Variants in FGF12 observed in about 807,000 individuals in gnomAD.
FGF12 encodes the protein fibroblast growth factor 12B.
FGF12 carries 14 observed loss-of-function variants against 23.6 expected under a neutral mutation model. The observed-to-expected ratio is 0.59, with a 90% confidence interval of 0.39 to 0.93. The LOEUF (loss-of-function observed/expected upper bound fraction) is 0.93, where lower values mean the gene tolerates loss of function less well. Among genes scored for constraint, FGF12 ranks in the 40% least tolerant of loss-of-function variants. The pLI, the probability that FGF12 is intolerant of heterozygous loss-of-function variation, is 0.00. For missense variants in FGF12, 175 were observed against 217.8 expected (o/e 0.80, Z 1.24); for synonymous variants, 62 against 77.3 (o/e 0.80, Z 1.04).
intron 4 of FGF12, among the ~76,000 whole-genome samples, chr3:192,276,363 A>G (rs1016058432): frequency 2.6e-5 from 4 of 152,212 alleles, no homozygotes; most frequent in Non-Finnish European, 5.9e-5. Context: ...AGTTTGTTCA[A>G]GTCATCATCC....
intron 2 of FGF12, among the ~76,000 whole-genome samples, chr3:192,480,504 T>C (rs1015351330): frequency 5.3e-5 from 8 of 152,212 alleles, no homozygotes; most frequent in Admixed American, 1.3e-4. Context: ...CTAGAGAAGA[T>C]AGTCCTCTTT....
intron 4 of FGF12, among the ~76,000 whole-genome samples, chr3:192,302,072 A>G (rs1212490463): frequency 6.6e-6 from 1 of 152,220 alleles, no homozygotes; most frequent in Non-Finnish European, 1.5e-5. Context: ...TATGGAGAAT[A>G]TAAAAGTGAG....
Position 192,202,118 on chromosome 3 carries a change from G to A in FGF12, c.229-31462C>T, listed in dbSNP as rs185642556. Among the ~76,000 whole-genome samples, 39 of 152,186 alleles carry A rather than the reference G, an allele frequency of 2.6e-4. 1 individual carries two copies. The highest frequency in any genetic ancestry group is 1.3e-4 in the Admixed American group (2 of 15,282). On this transcript the variant is annotated intron_variant, in intron 4 of 5. Transcript: ENST00000445105. ...CCAAAGATTATTTCTATGCAAAAAT[G>A]TCTTAAGTGGAGTGGTATTTGAGAT...
chr3:192,325,702 T>G (rs1716782907), intron 4 of FGF12, among the ~76,000 whole-genome samples: 1 of 152,190 alleles, frequency 6.6e-6, no homozygotes, highest in Non-Finnish European at 1.5e-5. Flanking sequence ...GGAACAGAAT[T>G]CTTTCACTGA....
chr3:192,695,470 G>A (rs1426570372), intron 2 of FGF12, among the ~76,000 whole-genome samples: 1 of 152,092 alleles, frequency 6.6e-6, no homozygotes, highest in Non-Finnish European at 1.5e-5. Context: ...AGGCTCTTAG[G>A]GAAGATATCA....
At chr3:192,690,339 C>G (rs1717902151) in intron 2 of FGF12, among the ~76,000 whole-genome samples, 1 of 151,802 alleles carries the variant, frequency 6.6e-6, no homozygotes, top group Non-Finnish European at 1.5e-5. Context: ...TTTGAAATAA[C>G]TACAGCTACA....
chr3:192,579,126 G>A (rs909447426), intron 2 of FGF12, among the ~76,000 whole-genome samples: 2 of 151,966 alleles, frequency 1.3e-5, no homozygotes, highest in Non-Finnish European at 2.9e-5. Flanking sequence ...ATAGACAATG[G>A]TCTTTAAAAT....
chr3:192,539,667 A>G (rs185730370), intron 2 of FGF12, among the ~76,000 whole-genome samples: 1 of 152,180 alleles, frequency 6.6e-6, no homozygotes, highest in Admixed American at 6.5e-5. Context: ...GCCTCATATG[A>G]TAAGTTTGGA....
chr3:192,442,048 T>C (rs1465947395), intron 2 of FGF12, among the ~76,000 whole-genome samples: 1 of 152,222 alleles, frequency 6.6e-6, no homozygotes, highest in Non-Finnish European at 1.5e-5. Context: ...TAGATCAAAA[T>C]TAGAGCATTG....
intron 2 of FGF12, among the ~76,000 whole-genome samples, chr3:192,656,121 G>T (rs1473644902): frequency 6.6e-6 from 1 of 150,948 alleles, no homozygotes; most frequent in African/African-American, 2.4e-5. Flanking sequence ...CTCAATAAAT[G>T]TATGTTAATT....
At chr3:192,261,885 G>T (rs1273812591) in intron 4 of FGF12, among the ~76,000 whole-genome samples, 1 of 152,118 alleles carries the variant, frequency 6.6e-6, no homozygotes, top group Admixed American at 6.6e-5. Context: ...AATAGTAGTA[G>T]TAGCCCATGA....
intron 2 of FGF12, among the ~76,000 whole-genome samples, chr3:192,596,435 T>C (rs974193721): frequency 6.6e-6 from 1 of 152,124 alleles, no homozygotes; most frequent in Admixed American, 6.6e-5. Context: ...TGACTGTGGT[T>C]TCCTAAGCTT....
chr3:192,439,697 C>T (rs538132849), intron 2 of FGF12, among the ~76,000 whole-genome samples: 8 of 152,234 alleles, frequency 5.3e-5, no homozygotes, highest in South Asian at 2.1e-4. Flanking sequence ...CATAACATGG[C>T]CAGGCGTGGT....
intron 4 of FGF12, among the ~76,000 whole-genome samples, chr3:192,279,819 TTAAGGAAATGGAC>T (rs1218978141): frequency 6.6e-6 from 1 of 152,210 alleles, no homozygotes; most frequent in Non-Finnish European, 1.5e-5. Context: ...GTCGATTAAA[TTAAGGAAATGGAC>T]TAGAGAGTCT....
chr3:192,672,344 C>G (rs933238037), intron 2 of FGF12, among the ~76,000 whole-genome samples: 2 of 150,960 alleles, frequency 1.3e-5, no homozygotes, highest in African/African-American at 4.8e-5. Flanking sequence ...ACTAAGTTAT[C>G]TGAATGTTCT....
intron 2 of FGF12, among the ~76,000 whole-genome samples, chr3:192,371,224 T>G (rs1719214366): frequency 6.6e-6 from 1 of 152,180 alleles, no homozygotes. Flanking sequence ...CAGGATAATC[T>G]AATTCAAAGC....
At chr3:192,715,781 G>A (rs1718847924) in intron 2 of FGF12, among the ~76,000 whole-genome samples, 1 of 152,176 alleles carries the variant, frequency 6.6e-6, no homozygotes, top group African/African-American at 2.4e-5. Flanking sequence ...AATTTGTGAG[G>A]TGTTCTTGAG....
chr3:192,424,170 C>T (rs749509459), intron 2 of FGF12, among the ~76,000 whole-genome samples: 4 of 152,088 alleles, frequency 2.6e-5, no homozygotes, highest in Non-Finnish European at 4.4e-5. Context: ...GCCACTTCCC[C>T]AGATCCTGTT....
At chr3:192,312,845 T>C (rs1354372876) in intron 4 of FGF12, among the ~76,000 whole-genome samples, 1 of 152,272 alleles carries the variant, frequency 6.6e-6, no homozygotes, top group Admixed American at 6.5e-5. Context: ...TATTTTATTA[T>C]AGTATTAACG....
Sources: allele counts gnomAD v4.1 joint callset (sites outside exome capture counted in the v4.1 genomes callset), GRCh38; gene constraint gnomAD v4.1.1; transcripts MANE v1.5; gene names NCBI Gene and HGNC (gene_info 2026-07-23, HGNC 2026-07-21).